Variants in AKT3 observed in about 807,000 individuals in gnomAD.
AKT3 encodes the protein AKT serine/threonine kinase 3.
A neutral mutation model predicts 65.3 loss-of-function variants in AKT3; 15 were observed. The ratio of observed to expected loss-of-function variants is 0.23; its 90% CI spans 0.15 to 0.35. The LOEUF is 0.35. AKT3 is among the 10% of genes least tolerant of loss of function. The pLI, the probability that AKT3 is intolerant of heterozygous loss-of-function variation, is 1.00. For synonymous variants in AKT3, 206 were observed against 183.8 expected (o/e 1.12, Z -0.98); for missense variants, 243 against 576.5 (o/e 0.42, Z 5.92).
At chr1:243,677,595 G>T (rs1158093815) in intron 3 of AKT3, among the ~76,000 whole-genome samples, 5 of 151,584 alleles carry the variant, frequency 3.3e-5, no homozygotes, top group East Asian at 1.9e-4. Context: ...TCATATTTTT[G>T]ATTTTGGAGC....
chr1:243,602,892 G>A (rs1168376485), intron 8 of AKT3, among the ~76,000 whole-genome samples: 1 of 152,106 alleles, frequency 6.6e-6, no homozygotes, highest in African/African-American at 2.4e-5. Context: ...TTTAACTTCA[G>A]GAAACTTCAG....
intron 2 of AKT3, among the ~76,000 whole-genome samples, chr1:243,798,802 C>T (rs982494415): frequency 6.6e-6 from 1 of 152,190 alleles, no homozygotes; most frequent in African/African-American, 2.4e-5. Context: ...CCTTCAACTC[C>T]ACACTGGCGA....
chr1:243,631,132 C>T (rs1369566732), intron 6 of AKT3, among the ~76,000 whole-genome samples: 2 of 152,114 alleles, frequency 1.3e-5, no homozygotes, highest in African/African-American at 2.4e-5. Context: ...TGTGTAACAG[C>T]ACTATGTCTA....
chr1:243,648,189 T>C (rs1680990080), intron 4 of AKT3, among the ~76,000 whole-genome samples: 1 of 149,862 alleles, frequency 6.7e-6, no homozygotes, highest in Non-Finnish European at 1.5e-5. Flanking sequence ...ACCCAGGAAA[T>C]GGAGGTTGCA....
rs1678070871 is a variant in AKT3, at chr1:243,613,747, T to A, written c.628-8A>T. 1 of 1,561,620 alleles carries A rather than the reference T, an allele frequency of 6.4e-7. No homozygotes were observed. The highest frequency in any genetic ancestry group is 8.7e-7 in the Non-Finnish European group (1 of 1,151,678). ...GAAGGAATATTTCAAGGACTTGAAA[T>A]AAAAAAAAGAAAAAATGTTACATTA... On this transcript the variant is annotated splice_polypyrimidine_tract_variant and splice_region_variant and intron_variant, in intron 7 of 13. Transcript: ENST00000673466.
At chr1:243,563,912 T>A (rs1395116418) in intron 9 of AKT3, 64 bp from the exon 10 acceptor site, 5 of 1,484,764 alleles carry the variant, frequency 3.4e-6, no homozygotes, top group Admixed American at 2.2e-5. Flanking sequence ...AATACCATTT[T>A]AAAAAACTAC....
chr1:243,713,928 A>T (rs1472638725), intron 2 of AKT3, among the ~76,000 whole-genome samples: 1 of 152,088 alleles, frequency 6.6e-6, no homozygotes, highest in East Asian at 1.9e-4. Context: ...ATTAGTATAA[A>T]AAAGTCCGAC....
rs147705767 is a variant in AKT3, at chr1:243,627,452, CT to C, written c.561+10158del. On this transcript the variant is annotated intron_variant, in intron 6 of 13. Coordinates refer to ENST00000673466, the MANE Select transcript of AKT3 (RefSeq NM_005465.7). ...CTAGTGGGAATGATCCCAATTTATACTTACTGCAGTGCTGCAGGTTTATCTG... is the reference window on the plus strand; with the variant it reads ...CTAGTGGGAATGATCCCAATTTATACTACTGCAGTGCTGCAGGTTTATCTG... Among the ~76,000 whole-genome samples, 43 of 152,296 alleles carry C rather than the reference CT, an allele frequency of 2.8e-4. No homozygotes were observed. In the East Asian group the frequency reaches 4.8e-3, roughly 17 times the overall value.
At chr1:243,674,293 T>C (rs1467516728) in intron 3 of AKT3, among the ~76,000 whole-genome samples, 1 of 152,086 alleles carries the variant, frequency 6.6e-6, no homozygotes, top group Non-Finnish European at 1.5e-5. Context: ...GGTAACCACA[T>C]GAGAGAAACT....
At chr1:243,587,325 T>C (rs932518816) in intron 8 of AKT3, among the ~76,000 whole-genome samples, 6 of 152,076 alleles carry the variant, frequency 3.9e-5, no homozygotes, top group South Asian at 2.1e-4. Flanking sequence ...AAAATAAAAA[T>C]ATACGCTGGG....
At chr1:243,790,899 A>C in intron 2 of AKT3, among the ~76,000 whole-genome samples, 1 of 152,210 alleles carries the variant, frequency 6.6e-6, no homozygotes, top group Middle Eastern at 3.2e-3. Context: ...TCACATGGGT[A>C]ATGGTTCGTG....
chr1:243,655,587 T>A (rs1273708203), intron 4 of AKT3, among the ~76,000 whole-genome samples: 1 of 152,222 alleles, frequency 6.6e-6, no homozygotes, highest in Non-Finnish European at 1.5e-5. Context: ...AGAGTGAGTT[T>A]ACATTTGCTT....
At chr1:243,536,591 T>C (rs1280595109) in intron 12 of AKT3, among the ~76,000 whole-genome samples, 1 of 152,204 alleles carries the variant, frequency 6.6e-6, no homozygotes, top group Non-Finnish European at 1.5e-5. Context: ...CTCATTCTTA[T>C]TTTTTCCAGT....
intron 10 of AKT3, among the ~76,000 whole-genome samples, chr1:243,562,681 G>T (rs10732305): frequency 6.6e-6 from 1 of 151,998 alleles, no homozygotes; most frequent in Non-Finnish European, 1.5e-5. Flanking sequence ...AGGGCTACAT[G>T]TAAGTGTTCC....
chr1:243,491,815 A>T (rs1414875679), intron 13 of AKT3, among the ~76,000 whole-genome samples: 1 of 152,198 alleles, frequency 6.6e-6, no homozygotes, highest in Non-Finnish European at 1.5e-5. Context: ...GATCTTGGGC[A>T]GCTGAGGGTT....
At chr1:243,528,761 T>A (rs1187584779) in intron 12 of AKT3, among the ~76,000 whole-genome samples, 1 of 152,240 alleles carries the variant, frequency 6.6e-6, no homozygotes, top group Non-Finnish European at 1.5e-5. Context: ...TTTGCTATTA[T>A]GAACAGTGTT....
Position 243,697,709 on chromosome 1 carries a change from T to C in AKT3, c.47-1993A>G, listed in dbSNP as rs146215780. On this transcript the variant is annotated intron_variant, in intron 2 of 13. Transcript: ENST00000673466. ...ACATTTGTTATCAATACCAGTCTCA[T>C]GAAAAAAGTAAACATTGGAAAGCTG... Among the ~76,000 whole-genome samples the C allele has an allele frequency of 2.0e-4, 30 of 152,188 alleles. No homozygotes were observed. In the East Asian group the frequency reaches 5.4e-3, roughly 27 times the overall value.
chr1:243,796,632 A>G (rs1692026681), intron 2 of AKT3, among the ~76,000 whole-genome samples: 1 of 152,174 alleles, frequency 6.6e-6, no homozygotes. Context: ...ACTGGCCTAG[A>G]CCACCAACCA....
chr1:243,492,368 C>A (rs1024940268), intron 13 of AKT3, among the ~76,000 whole-genome samples: 1 of 118,112 alleles, frequency 8.5e-6, no homozygotes, highest in Non-Finnish European at 1.6e-5. Context: ...GTGGTGCAAT[C>A]TCTGCTCACT....
Sources: allele counts gnomAD v4.1 joint callset (sites outside exome capture counted in the v4.1 genomes callset), GRCh38; gene constraint gnomAD v4.1.1; transcripts MANE v1.5; gene names NCBI Gene and HGNC (gene_info 2026-07-23, HGNC 2026-07-21).